COLQ: variants seen among roughly 807,000 people sequenced by gnomAD.
The protein encoded by COLQ is collagen like tail subunit of asymmetric acetylcholinesterase.
Under a neutral mutation model 69.0 loss-of-function variants are expected in COLQ, and 48 were observed. The ratio of observed to expected loss-of-function variants is 0.70; its 90% CI spans 0.55 to 0.88. The LOEUF (loss-of-function observed/expected upper bound fraction) is 0.88. Ranked by LOEUF, COLQ falls within the 40% of genes least tolerant of loss-of-function variation. The probability of loss-of-function intolerance (pLI) is 0.00; values close to 1 mark genes in which losing one functional copy is unlikely to be tolerated. For synonymous variants in COLQ, 217 were observed against 211.2 expected (o/e 1.03, Z -0.24); for missense variants, 618 against 594.6 (o/e 1.04, Z -0.41).
chr3:15,478,823 A>G, intron 5 of COLQ, 154 bp downstream of exon 5: 1 of 876,612 alleles, frequency 1.1e-6, no homozygotes, highest in South Asian at 1.4e-5. Flanking sequence ...GGGCAAGGTT[A>G]CTACTGTCAC....
At chr3:15,456,073 CA>C in intron 14 of COLQ, 54 bp from the exon 15 acceptor site, 2 of 1,608,682 alleles carry the variant, frequency 1.2e-6, no homozygotes. Flanking sequence ...CAGGCAGCCG[CA>C]GGCAGGGAGG....
chr3:15,466,115 C>G (rs2062195735), intron 12 of COLQ, among the ~76,000 whole-genome samples: 1 of 152,116 alleles, frequency 6.6e-6, no homozygotes, highest in Non-Finnish European at 1.5e-5. Flanking sequence ...TTTTTTCTGT[C>G]CTCTATTTGT....
At chr3:15,471,245 T>C (rs2062281557) in intron 10 of COLQ, among the ~76,000 whole-genome samples, 1 of 152,212 alleles carries the variant, frequency 6.6e-6, no homozygotes, top group African/African-American at 2.4e-5. Context: ...AAACATATGT[T>C]CACATCTTCA....
At chr3:15,466,180 T>C (rs1259103681) in intron 12 of COLQ, among the ~76,000 whole-genome samples, 161 bp downstream of exon 12, 1 of 152,260 alleles carries the variant, frequency 6.6e-6, no homozygotes, top group African/African-American at 2.4e-5. Flanking sequence ...TGCATAAAAG[T>C]TGAATGAGCT....
intron 1 of COLQ, among the ~76,000 whole-genome samples, chr3:15,493,231 G>A (rs1192876334): frequency 6.6e-6 from 1 of 152,214 alleles, no homozygotes; most frequent in Non-Finnish European, 1.5e-5. Context: ...AAGGAGGGGA[G>A]GCTCCCCAGG....
rs767954552 is a variant in COLQ, at chr3:15,466,451, AG to A, written c.718-15del. On this transcript the variant is annotated splice_polypyrimidine_tract_variant and intron_variant, in intron 11 of 16. Transcript: ENST00000383788. ...CCCTTTCTGTCCCTGACAGAGAGAA[AG>A]GCAGAGCCTGTTATGAAAGCATGAC... 4 of 1,606,674 alleles carry A rather than the reference AG, an allele frequency of 2.5e-6. No individual in the cohort carries two copies. The highest frequency in any genetic ancestry group is 2.7e-5 in the African/African-American group (2 of 74,772).
intron 12 of COLQ, among the ~76,000 whole-genome samples, chr3:15,458,614 G>C (rs1048392770): frequency 6.6e-6 from 1 of 152,192 alleles, no homozygotes; most frequent in Non-Finnish European, 1.5e-5. Flanking sequence ...AGCATGAGAA[G>C]ATAAGCCAAC....
At chr3:15,455,033 T>G (rs898554412) in intron 15 of COLQ, among the ~76,000 whole-genome samples, 3 of 152,140 alleles carry the variant, frequency 2.0e-5, no homozygotes, top group African/African-American at 7.2e-5. Context: ...AGCCCCAGCC[T>G]GGATCTTTAG....
In COLQ at chr3:15,474,927, T is replaced by C. The variant is rs144705312; in HGVS notation, c.553A>G (p.Lys185Glu). The C allele has an allele frequency of 1.9e-6, 3 of 1,613,998 alleles. No homozygotes were observed. The African/African-American group carries it at 4.0e-5, about 22-fold the overall frequency. Residue 185 changes from lysine (K) to glutamate (E), a missense_variant and splice_region_variant, in exon 8 of 17, where the codon AAG (lysine) becomes GAG (glutamate). By Grantham distance (56) the Lys-to-Glu change is moderately conservative. Transcript: ENST00000383788. ...SKGYPGSRGEKGSRGEKGDLG... is the reference protein window; with the variant it reads ...SKGYPGSRGEEGSRGEKGDLG... ...CACCATCCAAGAAAAGCACTAACCT[T>C]TTCCCCTCTGGATCCAGGGTAGCCC...
At chr3:15,466,899 A>G (rs1176362769) in intron 11 of COLQ, among the ~76,000 whole-genome samples, 3 of 152,134 alleles carry the variant, frequency 2.0e-5, no homozygotes, top group Non-Finnish European at 4.4e-5. Context: ...CCCCTTCTCA[A>G]GACCCTTCTC....
intron 1 of COLQ, among the ~76,000 whole-genome samples, chr3:15,511,665 C>T (rs1295892235): frequency 6.6e-6 from 1 of 152,180 alleles, no homozygotes; most frequent in Non-Finnish European, 1.5e-5. Flanking sequence ...TCGAGAAGAT[C>T]GACAGAAGGA....
At chr3:15,488,182 AG>A (rs775861286) in intron 3 of COLQ, 23 bp downstream of exon 3, 16 of 1,553,138 alleles carry the variant, frequency 1.0e-5, no homozygotes, top group Non-Finnish European at 1.3e-5. Flanking sequence ...AGACAGCGAG[AG>A]GGGTCCGGTA....
At chr3:15,517,662 T>C (rs12629790) in intron 1 of COLQ, among the ~76,000 whole-genome samples, 23,037 of 152,154 alleles carry the variant, frequency 0.15, 2,308 homozygotes, top group East Asian at 0.44. Flanking sequence ...GTTGTTGTTT[T>C]GATCTACCAA....
At chr3:15,462,462 A>T (rs2125096850) in intron 12 of COLQ, among the ~76,000 whole-genome samples, 1 of 152,230 alleles carries the variant, frequency 6.6e-6, no homozygotes, top group South Asian at 2.1e-4. Context: ...CTCCTCAGAA[A>T]GGAAGTGGCT....
At chr3:15,479,181 G>A (rs2062434473) in intron 4 of COLQ, among the ~76,000 whole-genome samples, 157 bp downstream of exon 4, 1 of 152,174 alleles carries the variant, frequency 6.6e-6, no homozygotes, top group African/African-American at 2.4e-5. Flanking sequence ...TATCCCATAT[G>A]TGCTGCAGCA....
At chr3:15,476,373 C>G (rs776327613) in intron 6 of COLQ, among the ~76,000 whole-genome samples, 1 of 152,224 alleles carries the variant, frequency 6.6e-6, no homozygotes, top group Non-Finnish European at 1.5e-5. Context: ...GCACTAGCAA[C>G]ATTCCACGGG....
intron 1 of COLQ, among the ~76,000 whole-genome samples, chr3:15,498,309 C>G (rs766316799): frequency 6.6e-6 from 1 of 152,192 alleles, no homozygotes; most frequent in African/African-American, 2.4e-5. Context: ...TGCATTGCAA[C>G]TTCAACACTG....
At chr3:15,458,441 G>A (rs1365203443) in intron 12 of COLQ, 116 bp from the exon 13 acceptor site, 6 of 1,139,692 alleles carry the variant, frequency 5.3e-6, no homozygotes, top group South Asian at 1.3e-5. Flanking sequence ...GCATTTCAGG[G>A]TATGCCTGAG....
chr3:15,487,925 T>G (rs919997741), intron 3 of COLQ, among the ~76,000 whole-genome samples: 10 of 152,068 alleles, frequency 6.6e-5, no homozygotes, highest in Admixed American at 2.0e-4. Flanking sequence ...AAAAACCATA[T>G]CCATAGAGGT....
Sources: allele counts gnomAD v4.1 joint callset (sites outside exome capture counted in the v4.1 genomes callset), GRCh38; gene constraint gnomAD v4.1.1; transcripts MANE v1.5; gene names NCBI Gene and HGNC (gene_info 2026-07-23, HGNC 2026-07-21).